FILIP1L: variants seen among roughly 807,000 people sequenced by gnomAD.
The protein encoded by FILIP1L is filamin A interacting protein 1 like.
In FILIP1L, 55 loss-of-function variants were observed where a neutral mutation model predicts 96.6. The observed-to-expected ratio is 0.57, with a 90% CI of 0.46 to 0.71. FILIP1L has a LOEUF of 0.71. FILIP1L is among the 30% of genes least tolerant of loss of function. The pLI, the probability that FILIP1L is intolerant of heterozygous loss-of-function variation, is 0.00. For synonymous variants in FILIP1L, 467 were observed against 473.9 expected, an observed-to-expected ratio of 0.99 and a Z score of 0.19; for missense variants, 1,304 against 1,321.2, an observed-to-expected ratio of 0.99 and a Z score of 0.20.
intron 1 of FILIP1L, among the ~76,000 whole-genome samples, chr3:100,056,883 A>G (rs955413941): frequency 6.6e-5 from 10 of 152,090 alleles, no homozygotes; most frequent in African/African-American, 2.2e-4. Flanking sequence ...AGGCGCCTGT[A>G]GTCCCAGCTA....
intron 1 of FILIP1L, among the ~76,000 whole-genome samples, chr3:99,932,715 C>G (rs1429924893): frequency 6.6e-6 from 1 of 152,152 alleles, no homozygotes; most frequent in Non-Finnish European, 1.5e-5. Context: ...CATGGCGAAA[C>G]CCCATCTCTG....
At chr3:100,059,623 C>CTT (rs2065525819) in intron 1 of FILIP1L, among the ~76,000 whole-genome samples, 1 of 152,166 alleles carries the variant, frequency 6.6e-6, no homozygotes, top group Admixed American at 6.5e-5. Flanking sequence ...AGCCAGAAGG[C>CTT]GGGGGCCAAG....
chr3:100,060,647 A>G (rs370296397), intron 1 of FILIP1L, among the ~76,000 whole-genome samples: 11 of 152,176 alleles, frequency 7.2e-5, no homozygotes, highest in African/African-American at 1.2e-4. Context: ...TTGAGCTCAC[A>G]AATTTGAGAC....
chr3:100,080,918 C>T (rs2065922531), intron 1 of FILIP1L, among the ~76,000 whole-genome samples: 3 of 152,110 alleles, frequency 2.0e-5, no homozygotes, highest in Admixed American at 1.3e-4. Flanking sequence ...TGGTTCTGTC[C>T]TAAAGGATGA....
intron 1 of FILIP1L, among the ~76,000 whole-genome samples, chr3:99,997,724 T>C (rs892926093): frequency 1.3e-5 from 2 of 152,218 alleles, no homozygotes; most frequent in African/African-American, 4.8e-5. Flanking sequence ...TTTAAAACTT[T>C]GTACACAGAG....
chr3:100,008,429 A>G (rs527387817), intron 1 of FILIP1L, among the ~76,000 whole-genome samples: 17 of 152,312 alleles, frequency 1.1e-4, no homozygotes, highest in African/African-American at 2.4e-4. Context: ...TACCCTTCAT[A>G]TAAGTGTTAC....
At position 99,914,411 on chromosome 3, in the gene FILIP1L, T is replaced by C. The variant is rs74456077; in HGVS notation, c.605+9819A>G. Among the ~76,000 whole-genome samples the C allele has an allele frequency of 4.1e-3, 631 of 152,330 alleles. 2 individuals carry two copies. Among genetic ancestry groups the C allele is most frequent in the Admixed American group, 7.7e-3 (118 of 15,296 alleles). ...TCTTTCAATAAAATGTTATAATCTT[T>C]AAGTGTGTTTTTGATATGTTAGATT... On this transcript the variant is annotated intron_variant, in intron 4 of 5. Transcript: ENST00000477258.
chr3:100,070,068 A>G (rs1401713326), intron 1 of FILIP1L, among the ~76,000 whole-genome samples: 1 of 152,258 alleles, frequency 6.6e-6, no homozygotes, highest in Non-Finnish European at 1.5e-5. Context: ...AAGGATGTAC[A>G]CATGGCACTG....
chr3:99,968,721 G>T (rs181385193), intron 1 of FILIP1L, among the ~76,000 whole-genome samples: 1 of 152,108 alleles, frequency 6.6e-6, no homozygotes, highest in Non-Finnish European at 1.5e-5. Flanking sequence ...AGAGAAATAA[G>T]AAAAAATGAG....
At position 99,848,320 on chromosome 3, in the gene FILIP1L, G is replaced by C; in HGVS notation, c.3356C>G (p.Pro1119Arg). The C allele has an allele frequency of 6.2e-7, 1 of 1,614,104 alleles. No homozygotes were observed. Among genetic ancestry groups the C allele is most frequent in the Non-Finnish European group, 8.5e-7 (1 of 1,179,994 alleles). Reference protein sequence around the residue: ...SSITITPTATPLPRQSQITIK... With the variant: ...SSITITPTATRLPRQSQITIK... ...TGTAATTTGTGATTGTCGAGGAAGA[G>C]GTGTGGCTGTTGGTGTGATAGTAAT... is the stretch of plus-strand genomic sequence containing the variant. The change falls in exon 5 of 6, where the codon CCT (proline) becomes CGT (arginine). Residue 1119 changes from proline to arginine, a missense_variant. Transcript: ENST00000477258.
intron 4 of FILIP1L, among the ~76,000 whole-genome samples, chr3:99,858,235 G>A (rs1944069021): frequency 6.6e-6 from 1 of 152,158 alleles, no homozygotes; most frequent in African/African-American, 2.4e-5. Context: ...GGAGGCTGAG[G>A]CAGGCGGATC....
intron 4 of FILIP1L, among the ~76,000 whole-genome samples, chr3:99,873,155 T>C (rs542851809): frequency 2.5e-4 from 38 of 152,318 alleles, no homozygotes; most frequent in African/African-American, 8.2e-4. Flanking sequence ...CACAGAAATA[T>C]TGCTTTGAAG....
intron 4 of FILIP1L, among the ~76,000 whole-genome samples, chr3:99,919,788 G>A (rs1039836439): frequency 2.6e-5 from 4 of 152,160 alleles, no homozygotes; most frequent in Non-Finnish European, 5.9e-5. Context: ...CAGCCAAAGG[G>A]AGAGGTGGAA....
intron 1 of FILIP1L, among the ~76,000 whole-genome samples, chr3:100,070,496 T>G (rs955506342): frequency 7.2e-5 from 11 of 152,230 alleles, no homozygotes; most frequent in African/African-American, 1.2e-4. Flanking sequence ...TAAATACATT[T>G]TAAGGTATAA....
At chr3:100,063,120 G>A (rs538874447) in intron 1 of FILIP1L, among the ~76,000 whole-genome samples, 69 of 152,160 alleles carry the variant, frequency 4.5e-4, no homozygotes, top group African/African-American at 1.5e-3. Context: ...TTATCAGTTG[G>A]CACCCTGTTT....
At chr3:100,012,622 T>C (rs1710191063) in intron 1 of FILIP1L, among the ~76,000 whole-genome samples, 1 of 152,092 alleles carries the variant, frequency 6.6e-6, no homozygotes, top group African/African-American at 2.4e-5. Context: ...GCCTAATTAT[T>C]TCATAGACTC....
At chr3:99,921,358 T>A (rs970236108) in intron 4 of FILIP1L, among the ~76,000 whole-genome samples, 1 of 152,174 alleles carries the variant, frequency 6.6e-6, no homozygotes. Flanking sequence ...TTGATGCACA[T>A]GGCCTTAAAG....
chr3:99,986,300 T>C (rs1450416500), intron 1 of FILIP1L, among the ~76,000 whole-genome samples: 1 of 152,202 alleles, frequency 6.6e-6, no homozygotes, highest in African/African-American at 2.4e-5. Flanking sequence ...TCATGAAGCT[T>C]GTGGCATTAG....
intron 1 of FILIP1L, among the ~76,000 whole-genome samples, chr3:100,001,135 A>T (rs1463454686): frequency 6.6e-6 from 1 of 151,452 alleles, no homozygotes. Context: ...ATTGGCTTAG[A>T]TTTAAATAGG....
Sources: gnomAD v4.1 joint callset for allele counts (sites outside exome capture counted in the v4.1 genomes callset) on GRCh38, gnomAD v4.1.1 for gene constraint, MANE v1.5 for transcripts, NCBI Gene and HGNC (gene_info 2026-07-23, HGNC 2026-07-21) for gene names.